Variants in TTC13 observed in about 807,000 individuals in gnomAD.
TTC13 encodes the protein tetratricopeptide repeat domain 13.
In TTC13, 62 loss-of-function variants were observed where a neutral mutation model predicts 120.0. The ratio of observed to expected loss-of-function variants is 0.52; its 90% CI spans 0.42 to 0.64. The LOEUF is 0.64. TTC13 is among the 30% of genes least tolerant of loss of function. The pLI is 0.00. For synonymous variants in TTC13, 384 were observed against 393.5 expected (o/e 0.98, Z 0.28); for missense variants, 824 against 1,050.2 (o/e 0.78, Z 2.98).
intron 4 of TTC13, among the ~76,000 whole-genome samples, chr1:230,947,204 G>A (rs1675083497): frequency 6.6e-6 from 1 of 152,078 alleles, no homozygotes; most frequent in Non-Finnish European, 1.5e-5. Flanking sequence ...CCCCCCCAGA[G>A]ATAAGCACTT....
intron 18 of TTC13, among the ~76,000 whole-genome samples, chr1:230,914,734 T>C (rs978993173): frequency 2.1e-4 from 32 of 152,278 alleles, no homozygotes; most frequent in African/African-American, 7.7e-4. Flanking sequence ...CCTACTTTAC[T>C]GTAAGAATAC....
At chr1:230,970,786 G>A (rs888838965) in intron 1 of TTC13, among the ~76,000 whole-genome samples, 4 of 152,160 alleles carry the variant, frequency 2.6e-5, no homozygotes, top group African/African-American at 9.7e-5. Flanking sequence ...CAGCTGCTGG[G>A]TAGCACTTAT....
intron 15 of TTC13, among the ~76,000 whole-genome samples, chr1:230,921,996 T>G (rs1672615834): frequency 1.3e-5 from 2 of 152,146 alleles, no homozygotes; most frequent in Admixed American, 1.3e-4. Flanking sequence ...CAGAACTCCA[T>G]GTTCAGCCAA....
In TTC13 at chr1:230,916,139, G is replaced by A. The variant is rs369934096; in HGVS notation, c.2093+54C>T. 9.1e-6 allele frequency: 12 copies of A among 1,318,598 alleles called. No homozygotes were observed. The East Asian group carries it at 1.4e-4, about 15-fold the overall frequency. 81.7% of individuals were successfully genotyped at this position (1,318,598 alleles called of 1,614,324 possible). On this transcript the variant is annotated intron_variant, in intron 18 of 22. Transcript: ENST00000366661. Reference sequence around the variant, plus strand: ...AAACTCTATAGTGACAATAAGCACAGGCACCCTTCCTGCCTCGTCTCTAGT... The same window carrying A: ...AAACTCTATAGTGACAATAAGCACAAGCACCCTTCCTGCCTCGTCTCTAGT...
chr1:230,972,337 T>C (rs1677853034), intron 1 of TTC13, among the ~76,000 whole-genome samples: 1 of 152,246 alleles, frequency 6.6e-6, no homozygotes, highest in African/African-American at 2.4e-5. Context: ...TTGAGCTATC[T>C]ACACTTAGGA....
Position 230,941,078 on chromosome 1 carries a change from C to T in TTC13, c.673-522G>A, listed in dbSNP as rs115887467. ...GTGTAACAACTTTTAACTCATGAGTCATGATCTGCAGAGTAGGAGGAAAAA... is the reference window on the plus strand; with the variant it reads ...GTGTAACAACTTTTAACTCATGAGTTATGATCTGCAGAGTAGGAGGAAAAA... On this transcript the variant is annotated intron_variant, in intron 6 of 22. Transcript: ENST00000366661. Among the ~76,000 whole-genome samples the T allele has an allele frequency of 5.6e-3, 847 of 152,248 alleles. 6 individuals carry two copies. The highest frequency in any genetic ancestry group is 0.019 in the African/African-American group (803 of 41,528).
intron 3 of TTC13, among the ~76,000 whole-genome samples, chr1:230,955,264 T>C (rs1307787231): frequency 6.6e-6 from 1 of 152,210 alleles, no homozygotes; most frequent in African/African-American, 2.4e-5. Context: ...AAAGCTCTTC[T>C]GTAAAGCTTT....
chr1:230,960,884 A>G (rs978006941), intron 2 of TTC13, among the ~76,000 whole-genome samples: 4 of 152,228 alleles, frequency 2.6e-5, no homozygotes, highest in African/African-American at 9.6e-5. Flanking sequence ...ACATAGATAC[A>G]AAAGATACCC....
chr1:230,927,206 C>G (rs1673124113), intron 12 of TTC13, among the ~76,000 whole-genome samples: 1 of 152,136 alleles, frequency 6.6e-6, no homozygotes, highest in Admixed American at 6.5e-5. Flanking sequence ...ATAAATCTCT[C>G]CTGGTAGACA....
intron 8 of TTC13, 150 bp downstream of exon 8, chr1:230,939,236 C>A: frequency 2.1e-6 from 1 of 470,402 alleles, no homozygotes; most frequent in Non-Finnish European, 3.8e-6. Flanking sequence ...ACCTTTGATC[C>A]TTTCCCTTTC....
intron 11 of TTC13, among the ~76,000 whole-genome samples, chr1:230,929,322 A>AT (rs66812339): frequency 0.18 from 26,275 of 144,368 alleles, 2,714 homozygotes; most frequent in East Asian, 0.41. Context: ...CTTTGGCTAC[A>AT]TTTTTTTTTT....
At chr1:230,925,050 G>A (rs1304690385) in intron 13 of TTC13, 77 bp from the exon 14 acceptor site, 2 of 1,560,566 alleles carry the variant, frequency 1.3e-6, no homozygotes, top group Admixed American at 1.7e-5. Context: ...GAGTCTCAGT[G>A]ATAACTCAAG....
Position 230,978,758 on chromosome 1 carries a change from G to A in TTC13, c.73C>T (p.Arg25Cys), listed in dbSNP as rs1412998225. The stretch of plus-strand genomic sequence containing the variant: ...CCCAGCAGCAGCAGCAGCAGGACAC[G>A]CCGGGCGGCGCCCGCGGCGGCCACA... ...GAVAAAGAARRVLLLLLLGVL... is the reference protein window; with the variant it reads ...GAVAAAGAARCVLLLLLLGVL... The change falls in exon 1 of 23, where the codon CGT becomes TGT. Residue 25 changes from arginine to cysteine, a missense_variant. By Grantham distance (180) the Arg-to-Cys change is radical. Coordinates refer to ENST00000366661, the MANE Select transcript of TTC13 (RefSeq NM_024525.5). The surrounding 1 kb of genome is among the most constrained non-coding windows in gnomAD (Gnocchi z 5.6). 7 of 1,499,868 alleles carry A rather than the reference G, an allele frequency of 4.7e-6. No homozygotes were observed. The highest frequency in any genetic ancestry group is 5.4e-5 in the East Asian group (2 of 36,872). The allele number at this position is 1,499,868 out of a possible 1,614,324, so 92.9% of individuals were successfully genotyped here.
intron 8 of TTC13, among the ~76,000 whole-genome samples, chr1:230,934,874 A>G (rs1358263466): frequency 1.3e-5 from 2 of 152,234 alleles, no homozygotes; most frequent in East Asian, 1.9e-4. Context: ...TAGGCACTCA[A>G]TAAATATTTA....
At position 230,928,948 on chromosome 1, in the gene TTC13, T is replaced by C. The variant is rs202174519; in HGVS notation, c.1446A>G (p.Gln482=). ...IEDYEEQPGL[Q]PHIKDVLHQN... ...TTTAAAGCACTTACTTTATGTGGGG[T>C]TGCAACCCTGGCTGCTCTTCGTAGT... Residue 482 remains glutamine, a synonymous_variant, in exon 12 of 23, where the codon CAA becomes CAG. Transcript: ENST00000366661. 3 of 1,613,812 alleles carry C rather than the reference T, an allele frequency of 1.9e-6. No individual in the cohort carries two copies. Among genetic ancestry groups the C allele is most frequent in the Non-Finnish European group, 2.5e-6 (3 of 1,179,900 alleles).
At chr1:230,948,468 G>C (rs1675223706) in intron 4 of TTC13, among the ~76,000 whole-genome samples, 1 of 144,566 alleles carries the variant, frequency 6.9e-6, no homozygotes, top group African/African-American at 2.5e-5. Context: ...CCTGCTTACT[G>C]TTCAGCCTCA....
Position 230,968,139 on chromosome 1 carries a change from ATTC to A in TTC13, c.272-6839_272-6837del, listed in dbSNP as rs571162572. ...TCACCTCATCAGGCTTATCTATTTT[ATTC>A]TTCTTTTTTTTATCACTTAAGAATT... On this transcript the variant is annotated intron_variant, in intron 1 of 22. Transcript: ENST00000366661. 5.3e-3 allele frequency among the ~76,000 whole-genome samples: 638 copies of A among 119,386 alleles called. 6 individuals carry two copies. The highest frequency in any genetic ancestry group is 0.015 in the African/African-American group (532 of 35,512). 78.3% of individuals were successfully genotyped at this position (119,386 alleles called of 152,430 possible).
intron 8 of TTC13, among the ~76,000 whole-genome samples, chr1:230,937,608 C>G (rs1367405965): frequency 6.6e-6 from 1 of 152,178 alleles, no homozygotes; most frequent in Non-Finnish European, 1.5e-5. Flanking sequence ...TTAGGAGTAT[C>G]CTCCACATAC....
chr1:230,924,941 C>T lies in TTC13; in HGVS notation c.1621G>A (p.Ala541Thr). Reference protein sequence around the residue: ...MGLAALEVMQAVQRTWTNSKV... With the variant: ...MGLAALEVMQTVQRTWTNSKV... ...GAGTTGGTCCATGTACGCTGCACGG[C>T]TTGCATGACCTCCAATGCGGCCAAA... The change falls in exon 14 of 23, where the codon GCC becomes ACC. Residue 541 changes from alanine to threonine, a missense_variant. This residue lies in a region of TTC13 where 430 missense variants were observed against 626.8 expected (regional missense o/e 0.69). Transcript: ENST00000366661. The T allele has an allele frequency of 1.2e-6, 2 of 1,614,226 alleles. No individual in the cohort carries two copies. Among genetic ancestry groups the T allele is most frequent in the Non-Finnish European group, 1.7e-6 (2 of 1,180,042 alleles).
Sources: allele counts gnomAD v4.1 joint callset (sites outside exome capture counted in the v4.1 genomes callset), GRCh38; gene constraint gnomAD v4.1.1; regional missense constraint gnomAD v4.1.1; non-coding constraint Gnocchi (gnomAD v3.1); transcripts MANE v1.5; gene names NCBI Gene and HGNC (gene_info 2026-07-23, HGNC 2026-07-21).